The following PTBP2 variants were observed in gnomAD, a reference collection of about 807,000 sequenced individuals.
PTBP2 encodes polypyrimidine tract binding protein 2.
A neutral mutation model predicts 61.4 loss-of-function variants in PTBP2; 13 were observed. That is an observed-to-expected ratio of 0.21 (90% confidence interval 0.14 to 0.34). PTBP2 has a LOEUF of 0.34. Among genes scored for constraint, PTBP2 ranks in the 10% least tolerant of loss-of-function variants. The pLI, the probability that PTBP2 is intolerant of heterozygous loss-of-function variation, is 1.00. For synonymous variants in PTBP2, 215 were observed against 218.5 expected (o/e 0.98, Z 0.14); for missense variants, 405 against 642.6 (o/e 0.63, Z 4.00).
chr1:96,753,780 T>C (rs1042747608), intron 3 of PTBP2, among the ~76,000 whole-genome samples: 11 of 152,140 alleles, frequency 7.2e-5, no homozygotes, highest in Non-Finnish European at 1.3e-4. Context: ...AAAATACAGT[T>C]TTTGAAATAG....
At chr1:96,820,262 A>G (rs1395824983) in exon 14 of PTBP2, 1 of 151,912 alleles carries the variant, frequency 6.6e-6, no homozygotes, top group Non-Finnish European at 1.5e-5. Context: ...CCCTAAGATC[A>G]TTTTGATGTC....
At chr1:96,774,748 C>T (rs1279681698) in intron 5 of PTBP2, among the ~76,000 whole-genome samples, 3 of 152,140 alleles carry the variant, frequency 2.0e-5, no homozygotes, top group South Asian at 4.1e-4. Flanking sequence ...ACAGCCAGTA[C>T]GTATCTTTCT....
chr1:96,816,920 CA>C (rs1242393277), downstream of PTBP2: 2 of 152,036 alleles, frequency 1.3e-5, no homozygotes, highest in Non-Finnish European at 2.9e-5. Flanking sequence ...CTTCATTATC[CA>C]CAATACATGT....
At chr1:96,782,361 C>A (rs938245374) in intron 7 of PTBP2, among the ~76,000 whole-genome samples, 1 of 151,878 alleles carries the variant, frequency 6.6e-6, no homozygotes, top group Admixed American at 6.6e-5. Flanking sequence ...TTATGTCATT[C>A]ATTTCCTTCT....
chr1:96,743,181 G>T (rs934882306), intron 2 of PTBP2, among the ~76,000 whole-genome samples: 4 of 152,004 alleles, frequency 2.6e-5, no homozygotes, highest in African/African-American at 9.7e-5. Flanking sequence ...CAGCTACTCG[G>T]GAGGCTGAGG....
At chr1:96,730,947 T>G (rs558682913) in intron 2 of PTBP2, among the ~76,000 whole-genome samples, 13 of 152,346 alleles carry the variant, frequency 8.5e-5, no homozygotes, top group South Asian at 4.1e-4. Flanking sequence ...TTGTTTGGTG[T>G]TGTTTCGGCG....
At chr1:96,796,299 A>T (rs995547897) in intron 8 of PTBP2, among the ~76,000 whole-genome samples, 1 of 151,956 alleles carries the variant, frequency 6.6e-6, no homozygotes, top group Non-Finnish European at 1.5e-5. Flanking sequence ...CCAAAAAAAA[A>T]AAAAAAAGAA....
chr1:96,770,612 T>C, intron 4 of PTBP2, 96 bp from the exon 5 acceptor site: 1 of 1,060,592 alleles, frequency 9.4e-7, no homozygotes, highest in Non-Finnish European at 1.4e-6. Flanking sequence ...AAGGATTATA[T>C]TCTAGATAAT....
intron 11 of PTBP2, among the ~76,000 whole-genome samples, chr1:96,808,425 C>T (rs1277880386): frequency 2.0e-5 from 3 of 152,038 alleles, no homozygotes; most frequent in Non-Finnish European, 1.5e-5. Context: ...TGTGCAAGCA[C>T]GTTAAGAGTC....
intron 2 of PTBP2, among the ~76,000 whole-genome samples, chr1:96,739,618 GTTTTTTT>G (rs772410191): frequency 1.2e-5 from 1 of 83,802 alleles, no homozygotes; most frequent in Non-Finnish European, 2.2e-5. Flanking sequence ...ACTGGTGTGT[GTTTTTTT>G]TTTTTTTTTT....
At chr1:96,791,898 A>G (rs913083616) in intron 8 of PTBP2, among the ~76,000 whole-genome samples, 5 of 138,538 alleles carry the variant, frequency 3.6e-5, no homozygotes, top group Non-Finnish European at 7.6e-5. Context: ...GTGGCATGCA[A>G]TCTCGGCTCA....
intron 1 of PTBP2, 25 bp downstream of exon 1, chr1:96,721,897 G>A: frequency 6.4e-7 from 1 of 1,572,142 alleles, no homozygotes; most frequent in Non-Finnish European, 8.6e-7. Flanking sequence ...CGGCGAGAAG[G>A]TGTGTGTGAG....
intron 2 of PTBP2, among the ~76,000 whole-genome samples, chr1:96,744,669 GCTAT>G (rs1052639270): frequency 3.9e-5 from 6 of 152,044 alleles, no homozygotes; most frequent in Non-Finnish European, 8.8e-5. Flanking sequence ...GATAGTATTG[GCTAT>G]CTATGTAGTG....
At chr1:96,789,287 T>TAA (rs1460000277) in intron 8 of PTBP2, among the ~76,000 whole-genome samples, 1 of 152,116 alleles carries the variant, frequency 6.6e-6, no homozygotes, top group Non-Finnish European at 1.5e-5. Flanking sequence ...TCATTGACGT[T>TAA]AAAATAGTTA....
intron 11 of PTBP2, among the ~76,000 whole-genome samples, chr1:96,807,564 G>A (rs1271986749): frequency 2.6e-5 from 4 of 152,202 alleles, no homozygotes; most frequent in Non-Finnish European, 4.4e-5. Context: ...GTGATTGACT[G>A]TAAATGCCAG....
chr1:96,722,472 G>C (rs1478422315), intron 1 of PTBP2, among the ~76,000 whole-genome samples: 2 of 152,068 alleles, frequency 1.3e-5, no homozygotes, highest in South Asian at 2.1e-4. Context: ...CGGGAGGAAG[G>C]GGGAGGGCAG....
chr1:96,807,905 A>G (rs968266720), intron 11 of PTBP2, among the ~76,000 whole-genome samples: 8 of 152,184 alleles, frequency 5.3e-5, no homozygotes, highest in African/African-American at 1.9e-4. Flanking sequence ...GATTATGTCA[A>G]GATACTTAGT....
chr1:96,749,754 A>G (rs1264460606), intron 2 of PTBP2: 1 of 444,168 alleles, frequency 2.3e-6, no homozygotes, highest in South Asian at 1.6e-5. Flanking sequence ...GGAATATTGT[A>G]GTGAGCACTA....
At chr1:96,730,094 G>A (rs11165710) in intron 2 of PTBP2, among the ~76,000 whole-genome samples, 87,949 of 151,874 alleles carry the variant, frequency 0.58, 26,091 homozygotes, top group African/African-American at 0.71. Flanking sequence ...CTCATTCCCA[G>A]TAGGGATAAT....
Sources: gnomAD v4.1 joint callset for allele counts (sites outside exome capture counted in the v4.1 genomes callset) on GRCh38, gnomAD v4.1.1 for gene constraint, MANE v1.5 for transcripts, NCBI Gene and HGNC (gene_info 2026-07-23, HGNC 2026-07-21) for gene names.